PLA2G10: variants seen among roughly 807,000 people sequenced by gnomAD.
PLA2G10 encodes group 10 secretory phospholipase A2.
PLA2G10 carries 9 observed loss-of-function variants against 7.9 expected under a neutral mutation model. That is an observed-to-expected ratio of 1.14 (90% CI 0.68 to 1.98). The LOEUF (loss-of-function observed/expected upper bound fraction) is 1.98. Ranked by LOEUF, PLA2G10 falls within the 30% of genes most tolerant of loss-of-function variation. The pLI is 0.00. For missense variants in PLA2G10, 53 were observed against 65.4 expected, an observed-to-expected ratio of 0.81 and a Z score of 0.66; for synonymous variants, 19 against 27.5, an observed-to-expected ratio of 0.69 and a Z score of 0.97.
At chr16:14,679,673 A>C (rs75411186) in intron 3 of PLA2G10, among the ~76,000 whole-genome samples, 1 of 141,814 alleles carries the variant, frequency 7.1e-6, no homozygotes, top group Non-Finnish European at 1.5e-5. Context: ...AAAAAAAAAA[A>C]AATAATAATA....
chr16:14,674,850 T>C (rs534968506), intron 3 of PLA2G10, among the ~76,000 whole-genome samples: 2 of 152,072 alleles, frequency 1.3e-5, no homozygotes, highest in South Asian at 4.1e-4. Context: ...GAAATAAAGC[T>C]AAACACGTAC....
chr16:14,686,923 T>C lies in PLA2G10; in HGVS notation c.355+1242A>G, dbSNP rs542832596. Among the ~76,000 whole-genome samples the C allele has an allele frequency of 3.9e-4, 59 of 152,066 alleles. No homozygotes were observed. The South Asian group carries it at 5.2e-3, about 13-fold the overall frequency. On this transcript the variant is annotated intron_variant, in intron 3 of 3. Transcript: ENST00000438167. ...GAGTACAAGACCAGCCTGACCAACA[T>C]GGCAAAACCTCATCTCTACTAAAAA...
intron 3 of PLA2G10, among the ~76,000 whole-genome samples, chr16:14,684,794 G>A (rs901977002): frequency 2.0e-5 from 3 of 152,130 alleles, no homozygotes; most frequent in African/African-American, 7.2e-5. Context: ...TGTACTCCAA[G>A]CTGGGTGACA....
chr16:14,701,837 C>G, the PLA2G10 span: 1 of 72,084 alleles, frequency 1.4e-5, no homozygotes, highest in Non-Finnish European at 3.2e-5. Flanking sequence ...CAACAGTGAC[C>G]ACGCCACTGC....
intron 3 of PLA2G10, 61 bp from the exon 4 acceptor site, chr16:14,672,810 G>GT: frequency 6.5e-7 from 1 of 1,538,770 alleles, no homozygotes; most frequent in South Asian, 1.1e-5. Flanking sequence ...AGGGAAACCA[G>GT]TAAAGCAAGA....
At chr16:14,682,509 T>C (rs867515392) in intron 3 of PLA2G10, among the ~76,000 whole-genome samples, 7 of 152,022 alleles carry the variant, frequency 4.6e-5, no homozygotes, top group South Asian at 2.1e-4. Context: ...TGGGAGGCAG[T>C]GAGTTGCAGT....
At chr16:14,684,840 G>A (rs535188043) in intron 3 of PLA2G10, among the ~76,000 whole-genome samples, 1 of 151,956 alleles carries the variant, frequency 6.6e-6, no homozygotes, top group Non-Finnish European at 1.5e-5. Flanking sequence ...AAGTAAAACA[G>A]GATTACCGTA....
At chr16:14,685,971 C>A (rs1387262147) in intron 3 of PLA2G10, among the ~76,000 whole-genome samples, 3 of 150,220 alleles carry the variant, frequency 2.0e-5, no homozygotes, top group African/African-American at 7.3e-5. Flanking sequence ...CCACGCCCAG[C>A]CTCTTTTTTT....
At chr16:14,688,390 G>GTTTT in intron 2 of PLA2G10, 119 bp from the exon 3 acceptor site, 1 of 309,192 alleles carries the variant, frequency 3.2e-6, no homozygotes, top group Admixed American at 5.4e-5. Context: ...TCTTATCTAA[G>GTTTT]ATTTTTTTTT....
At chr16:14,687,322 G>A (rs977416433) in intron 3 of PLA2G10, among the ~76,000 whole-genome samples, 2 of 150,842 alleles carry the variant, frequency 1.3e-5, no homozygotes. Context: ...TGGTTGGTTA[G>A]GTAAAATTTT....
chr16:14,683,156 G>C (rs1171662219), intron 3 of PLA2G10, among the ~76,000 whole-genome samples: 1 of 152,062 alleles, frequency 6.6e-6, no homozygotes, highest in Non-Finnish European at 1.5e-5. Context: ...CTGGGGTTAA[G>C]AGAAGTCAAA....
intron 3 of PLA2G10, among the ~76,000 whole-genome samples, chr16:14,680,116 T>G (rs916981581): frequency 1.9e-4 from 29 of 151,148 alleles, no homozygotes; most frequent in Non-Finnish European, 3.2e-4. Context: ...TTTTTTTTTT[T>G]GAAACAGAGT....
intron 3 of PLA2G10, among the ~76,000 whole-genome samples, chr16:14,684,572 A>G (rs1025443321): frequency 6.6e-6 from 1 of 152,110 alleles, no homozygotes; most frequent in African/African-American, 2.4e-5. Flanking sequence ...AGGCTGAGGC[A>G]GGAGAATCGC....
intron 3 of PLA2G10, among the ~76,000 whole-genome samples, chr16:14,675,779 A>C (rs1373459804): frequency 6.6e-6 from 1 of 152,054 alleles, no homozygotes; most frequent in East Asian, 1.9e-4. Context: ...TCTCTACTAA[A>C]AATACAAAAA....
chr16:14,683,442 C>T (rs1010799382), intron 3 of PLA2G10, among the ~76,000 whole-genome samples: 1 of 151,716 alleles, frequency 6.6e-6, no homozygotes, highest in Non-Finnish European at 1.5e-5. Flanking sequence ...CACCGTGCTG[C>T]CCTGGCTGGT....
At chr16:14,675,923 A>T (rs976144261) in intron 3 of PLA2G10, among the ~76,000 whole-genome samples, 4 of 142,972 alleles carry the variant, frequency 2.8e-5, no homozygotes, top group Non-Finnish European at 6.1e-5. Context: ...TAGGTGACAG[A>T]GCAAGACTCA....
intron 2 of PLA2G10, among the ~76,000 whole-genome samples, chr16:14,688,681 T>C (rs368808107): frequency 0.1 from 659 of 6,378 alleles, 46 homozygotes; most frequent in South Asian, 0.25. Flanking sequence ...CCTCAACCTC[T>C]CAAGTCTGCT....
In PLA2G10 at chr16:14,672,706, GTCACAC is replaced by G; in HGVS notation, c.393_398del (p.Lys131_Asp133delinsAsn). ...GGGCTAAGCAGTTAGCAATCTCCTG[GTCACAC>G]TTGCACAACAGTTCTTGGCATTTGT... On this transcript the variant is annotated inframe_deletion, in exon 4 of 4. Transcript: ENST00000438167. 1.9e-6 allele frequency: 3 copies of G among 1,614,008 alleles called. No homozygotes were observed. The highest frequency in any genetic ancestry group is 2.5e-6 in the Non-Finnish European group (3 of 1,179,944).
intron 3 of PLA2G10, among the ~76,000 whole-genome samples, chr16:14,677,448 C>T (rs1226921481): frequency 6.6e-6 from 1 of 152,122 alleles, no homozygotes; most frequent in Non-Finnish European, 1.5e-5. Flanking sequence ...CTCACTGCAA[C>T]CTCCGCCTCC....
Sources: gnomAD v4.1 joint callset for allele counts (sites outside exome capture counted in the v4.1 genomes callset) on GRCh38, gnomAD v4.1.1 for gene constraint, MANE v1.5 for transcripts, NCBI Gene and HGNC (gene_info 2026-07-23, HGNC 2026-07-21) for gene names.